GML: variants seen among roughly 807,000 people sequenced by gnomAD.
GML encodes the protein glycosyl-phosphatidylinositol-anchored molecule-like protein.
A neutral mutation model predicts 8.2 loss-of-function variants in GML; 5 were observed. The observed-to-expected ratio is 0.61, with a 90% CI of 0.32 to 1.28. The LOEUF (loss-of-function observed/expected upper bound fraction) is 1.28. Ranked by LOEUF, GML falls within the 50% of genes most tolerant of loss-of-function variation. GML has a pLI of 0.06. For synonymous variants in GML, 72 were observed against 69.0 expected, an observed-to-expected ratio of 1.04 and a Z score of -0.22; for missense variants, 191 against 198.3, an observed-to-expected ratio of 0.96 and a Z score of 0.22.
chr8:142,844,550 T>A (rs528556207), intron 3 of GML, among the ~76,000 whole-genome samples: 1 of 152,314 alleles, frequency 6.6e-6, no homozygotes, highest in South Asian at 2.1e-4. Flanking sequence ...TTTCAAAACA[T>A]GTATTTACTA....
intron 1 of GML, among the ~76,000 whole-genome samples, chr8:142,837,772 G>A (rs917914530): frequency 2.7e-5 from 4 of 146,590 alleles, no homozygotes; most frequent in Admixed American, 2.1e-4. Context: ...GACTGTGGCA[G>A]GCTCCTTCTA....
chr8:142,837,242 C>T (rs554191197), intron 1 of GML, among the ~76,000 whole-genome samples: 6 of 151,888 alleles, frequency 4.0e-5, no homozygotes, highest in Admixed American at 6.6e-5. Flanking sequence ...TGTAGTGAGC[C>T]GAGATCACGC....
At chr8:142,839,280 C>T (rs1816389486) in intron 1 of GML, among the ~76,000 whole-genome samples, 1 of 152,166 alleles carries the variant, frequency 6.6e-6, no homozygotes, top group Non-Finnish European at 1.5e-5. Flanking sequence ...CAGTCTTGGT[C>T]TCCTGCATGC....
intron 3 of GML, among the ~76,000 whole-genome samples, chr8:142,844,222 G>C (rs1291056753): frequency 6.6e-6 from 1 of 152,196 alleles, no homozygotes; most frequent in Admixed American, 6.5e-5. Context: ...AGTGCAGTAG[G>C]TAAAGACACT....
chr8:142,846,509 T>C lies in GML; in HGVS notation c.296T>C (p.Phe99Ser), dbSNP rs368431597. 1.9e-6 allele frequency: 3 copies of C among 1,613,850 alleles called. No individual in the cohort carries two copies. In the African/African-American group the frequency reaches 4.0e-5, roughly 22 times the overall value. ...GGAAAAATCTTCAAAACTAATAGCT[T>C]CTACTGGGTTTGTTGTTGTAATAGC... is the stretch of plus-strand genomic sequence containing the variant. ...APGKIFKTNS[F>S]YWVCCCNSMV... is the part of the protein sequence containing the mutation. The change falls in exon 4 of 4, where the codon TTC becomes TCC. Residue 99 changes from phenylalanine (F) to serine (S), a missense_variant. Phe to Ser is a radical substitution (Grantham distance 155). Coordinates refer to ENST00000220940, the MANE Select transcript of GML (RefSeq NM_002066.3).
intron 3 of GML, among the ~76,000 whole-genome samples, 175 bp downstream of exon 3, chr8:142,841,400 A>G (rs543670625): frequency 9.8e-5 from 15 of 152,288 alleles, no homozygotes; most frequent in African/African-American, 3.4e-4. Flanking sequence ...ATGATAGGCC[A>G]GCATGCATCA....
At position 142,840,493 on chromosome 8, in the gene GML, CCA is replaced by C; in HGVS notation, c.58_59del (p.Thr20HisfsTer13). On this transcript the variant is annotated frameshift_variant, in exon 2 of 4. Transcript: ENST00000220940. LOFTEE classifies it high-confidence loss of function. ...GAGCTCCCATTGGTGGCAGCCAGTG[CCA>C]CCATGCGCGCTCAGTGTAAGTATCA... The C allele has an allele frequency of 6.2e-7, 1 of 1,609,838 alleles. No homozygotes were observed. Among genetic ancestry groups the C allele is most frequent in the Middle Eastern group, 1.7e-4 (1 of 6,048 alleles).
At chr8:142,844,789 A>C (rs2904589) in intron 3 of GML, among the ~76,000 whole-genome samples, 152,126 of 152,316 alleles carry the variant, frequency 1, 75,968 homozygotes, top group Middle Eastern at 1. Context: ...AGTGATCATA[A>C]CAAGTGTTGT....
At chr8:142,843,255 T>TACACACACACAC (rs55778635) in intron 3 of GML, among the ~76,000 whole-genome samples, 10,572 of 139,868 alleles carry the variant, frequency 0.076, 515 homozygotes, top group East Asian at 0.17. Flanking sequence ...AAAAGGTTCA[T>TACACACACACAC]ACACACACAC....
At chr8:142,838,903 C>T (rs1302918794) in intron 1 of GML, among the ~76,000 whole-genome samples, 1 of 152,166 alleles carries the variant, frequency 6.6e-6, no homozygotes, top group Non-Finnish European at 1.5e-5. Context: ...TCCATTGTAG[C>T]TCTTGGGTAT....
chr8:142,838,881 G>T (rs4736337), intron 1 of GML, among the ~76,000 whole-genome samples: 24,012 of 152,174 alleles, frequency 0.16, 2,319 homozygotes, highest in East Asian at 0.48. Context: ...CCAGTTTGCT[G>T]TCTTCTAGTA....
intron 3 of GML, among the ~76,000 whole-genome samples, chr8:142,844,053 G>C (rs935601221): frequency 1.0e-4 from 15 of 144,984 alleles, no homozygotes; most frequent in Non-Finnish European, 1.8e-4. Flanking sequence ...AAAAAAGCTC[G>C]AGGACTTGTG....
chr8:142,838,870 T>C (rs935513234), intron 1 of GML, among the ~76,000 whole-genome samples: 2 of 152,200 alleles, frequency 1.3e-5, no homozygotes, highest in African/African-American at 4.8e-5. Flanking sequence ...CTGTGGACTT[T>C]CCAGTTTGCT....
intron 1 of GML, among the ~76,000 whole-genome samples, chr8:142,835,780 T>C (rs1816331444): frequency 1.3e-5 from 2 of 152,366 alleles, no homozygotes; most frequent in South Asian, 2.1e-4. Context: ...CATTCGGCTC[T>C]GAAGTGTCTG....
chr8:142,840,460 T>C lies in GML; in HGVS notation c.23T>C (p.Leu8Pro), dbSNP rs1209298661. Residue 8 changes from leucine to proline, a missense_variant, in exon 2 of 4, where the codon CTA becomes CCA. By Grantham distance (98) the Leu-to-Pro change is moderately conservative. Transcript: ENST00000220940. ...GTGATGCTCCTCTTTGCCTTACTCC[T>C]AGCCATGGAGCTCCCATTGGTGGCA... The part of the protein sequence containing the change: MLLFALL[L>P]AMELPLVAAS... 2 of 1,613,758 alleles carry C rather than the reference T, an allele frequency of 1.2e-6. No individual in the cohort carries two copies. The highest frequency in any genetic ancestry group is 1.7e-6 in the Non-Finnish European group (2 of 1,179,612).
intron 1 of GML, 143 bp downstream of exon 1, chr8:142,835,011 C>CA (rs1223123797): frequency 6.6e-6 from 1 of 152,236 alleles, no homozygotes; most frequent in Non-Finnish European, 1.5e-5. Flanking sequence ...GGGGTGCCCC[C>CA]ACTCCCCTCG....
intron 3 of GML, among the ~76,000 whole-genome samples, chr8:142,843,293 CA>C (rs1563859578): frequency 1.4e-5 from 2 of 141,446 alleles, no homozygotes; most frequent in African/African-American, 5.0e-5. Context: ...CACACACACA[CA>C]CACACCATAA....
intron 3 of GML, among the ~76,000 whole-genome samples, chr8:142,844,461 C>T (rs1011920967): frequency 6.6e-5 from 10 of 152,112 alleles, no homozygotes; most frequent in Non-Finnish European, 1.0e-4. Flanking sequence ...GGTTGAATTA[C>T]CTTTAACTTC....
At position 142,846,414 on chromosome 8, in the gene GML, A is replaced by G. The variant is rs981381577; in HGVS notation, c.201A>G (p.Leu67=). 1.8e-5 allele frequency: 28 copies of G among 1,597,316 alleles called. No homozygotes were observed. The highest frequency in any genetic ancestry group is 2.1e-5 in the Non-Finnish European group (25 of 1,170,162). Residue 67 remains leucine (L), a synonymous_variant, in exon 4 of 4, where the codon CTA becomes CTG. Transcript: ENST00000220940. ...TISIRINSRE[L]LVYKNCTNNC... ...TTTTAGGCATAAATTCTCGTGAACTACTTGTTTATAAGAACTGTACAAACA... is the reference window on the plus strand; with the variant it reads ...TTTTAGGCATAAATTCTCGTGAACTGCTTGTTTATAAGAACTGTACAAACA...
Sources: gnomAD v4.1 joint callset for allele counts (sites outside exome capture counted in the v4.1 genomes callset) on GRCh38, gnomAD v4.1.1 for gene constraint, MANE v1.5 for transcripts, NCBI Gene and HGNC (gene_info 2026-07-23, HGNC 2026-07-21) for gene names.